The following DOCK3 variants were observed in gnomAD, a reference collection of about 807,000 sequenced individuals.
DOCK3 encodes dedicator of cytokinesis 3.
A neutral mutation model predicts 265.6 loss-of-function variants in DOCK3; 60 were observed. The ratio of observed to expected loss-of-function variants is 0.23; its 90% CI spans 0.18 to 0.28. The LOEUF (loss-of-function observed/expected upper bound fraction) is 0.28. DOCK3 is among the 10% of genes least tolerant of loss of function. The pLI, the probability that DOCK3 is intolerant of heterozygous loss-of-function variation, is 1.00. For missense variants in DOCK3, 1,981 were observed against 2,594.3 expected, an observed-to-expected ratio of 0.76 and a Z score of 5.14; for synonymous variants, 881 against 938.0, an observed-to-expected ratio of 0.94 and a Z score of 1.11.
intron 12 of DOCK3, among the ~76,000 whole-genome samples, chr3:51,178,249 C>T (rs1257718715): frequency 1.3e-5 from 2 of 152,084 alleles, no homozygotes; most frequent in African/African-American, 4.8e-5. Context: ...AGAGAACATA[C>T]ACCTATTGTA....
At chr3:51,325,330 A>G (rs528861796) in intron 32 of DOCK3, among the ~76,000 whole-genome samples, 8 of 152,390 alleles carry the variant, frequency 5.2e-5, no homozygotes, top group African/African-American at 1.7e-4. Flanking sequence ...ATCACTGGTC[A>G]TTAGAGAAAT....
intron 32 of DOCK3, 128 bp downstream of exon 32, chr3:51,315,256 C>G: frequency 8.3e-7 from 1 of 1,210,140 alleles, no homozygotes; most frequent in Non-Finnish European, 1.1e-6. Context: ...GAATCCTGTT[C>G]AAGGGTTTTC....
At chr3:50,774,543 C>G (rs1317432479) in intron 1 of DOCK3, among the ~76,000 whole-genome samples, 1 of 151,666 alleles carries the variant, frequency 6.6e-6, no homozygotes, top group Non-Finnish European at 1.5e-5. Flanking sequence ...AAATATTCAC[C>G]TTGTATCTAG....
intron 3 of DOCK3, among the ~76,000 whole-genome samples, chr3:50,843,953 G>A (rs1249021446): frequency 6.6e-6 from 1 of 151,998 alleles, no homozygotes; most frequent in East Asian, 1.9e-4. Context: ...AAATAAATGC[G>A]TTTCTATATA....
intron 9 of DOCK3, among the ~76,000 whole-genome samples, chr3:51,101,671 G>A (rs1391198127): frequency 6.6e-6 from 1 of 152,132 alleles, no homozygotes; most frequent in Admixed American, 6.5e-5. Context: ...GCTATGAGCT[G>A]GTAACATTTA....
intron 9 of DOCK3, among the ~76,000 whole-genome samples, chr3:51,128,090 T>G (rs1216304233): frequency 6.6e-6 from 1 of 152,218 alleles, no homozygotes; most frequent in East Asian, 1.9e-4. Flanking sequence ...AACTTCAGTT[T>G]AATGGAATCA....
chr3:50,805,416 G>T (rs1283285766), intron 2 of DOCK3, among the ~76,000 whole-genome samples: 1 of 152,150 alleles, frequency 6.6e-6, no homozygotes, highest in African/African-American at 2.4e-5. Context: ...GTCAGCTGGG[G>T]TTGGGGCCAT....
At chr3:50,907,148 C>A (rs13085759) in intron 4 of DOCK3, among the ~76,000 whole-genome samples, 14,371 of 152,126 alleles carry the variant, frequency 0.094, 850 homozygotes, top group Non-Finnish European at 0.12. Flanking sequence ...TGTTGTTTTA[C>A]ATTTCCTGAG....
chr3:50,846,123 G>T (rs1222979973), intron 3 of DOCK3, among the ~76,000 whole-genome samples: 1 of 152,184 alleles, frequency 6.6e-6, no homozygotes, highest in Non-Finnish European at 1.5e-5. Context: ...CACTGCAAAT[G>T]AGACTGTAAA....
intron 1 of DOCK3, among the ~76,000 whole-genome samples, chr3:50,739,769 G>T (rs2038893564): frequency 6.6e-6 from 1 of 152,026 alleles, no homozygotes. Context: ...CCTGGGGCAG[G>T]CTAATTGAAC....
intron 12 of DOCK3, among the ~76,000 whole-genome samples, chr3:51,201,276 A>G (rs1415639598): frequency 6.6e-6 from 1 of 150,590 alleles, no homozygotes; most frequent in Non-Finnish European, 1.5e-5. Flanking sequence ...TATTCAGGAA[A>G]CCCATCTCAC....
chr3:51,221,727 C>T (rs1170834451), intron 14 of DOCK3, among the ~76,000 whole-genome samples: 4 of 152,216 alleles, frequency 2.6e-5, no homozygotes, highest in Non-Finnish European at 5.9e-5. Context: ...TAAGGCATTA[C>T]TGATGCTGTA....
intron 12 of DOCK3, among the ~76,000 whole-genome samples, chr3:51,162,774 G>T (rs890610071): frequency 2.0e-5 from 3 of 152,166 alleles, no homozygotes; most frequent in Admixed American, 6.5e-5. Context: ...CTTTCTGCAA[G>T]AAACAGGATT....
Position 51,110,530 on chromosome 3 carries a change from A to G in DOCK3, c.746+20146A>G, listed in dbSNP as rs1005024593. Among the ~76,000 whole-genome samples, 6 of 152,344 alleles carry G rather than the reference A, an allele frequency of 3.9e-5. No individual in the cohort carries two copies. The East Asian group carries it at 5.8e-4, about 15-fold the overall frequency. ...TCTCTGGTATGCAAGGTTGATTTCAACATACTCAGATGAATAAATGTGATT... is the reference window on the plus strand; with the variant it reads ...TCTCTGGTATGCAAGGTTGATTTCAGCATACTCAGATGAATAAATGTGATT... On this transcript the variant is annotated intron_variant, in intron 9 of 52. Transcript: ENST00000266037.
chr3:51,323,889 A>C (rs1447126519), intron 32 of DOCK3, among the ~76,000 whole-genome samples: 7 of 152,230 alleles, frequency 4.6e-5, no homozygotes, highest in Admixed American at 4.6e-4. Context: ...AAATCAATGA[A>C]TCCAGGAGCT....
chr3:51,137,331 G>A (rs2084851242), intron 9 of DOCK3, among the ~76,000 whole-genome samples: 1 of 152,184 alleles, frequency 6.6e-6, no homozygotes, highest in Non-Finnish European at 1.5e-5. Context: ...ATGCTAAGCA[G>A]TTGGCATCCA....
chr3:50,756,444 C>G (rs2040168582), intron 1 of DOCK3, among the ~76,000 whole-genome samples: 1 of 152,060 alleles, frequency 6.6e-6, no homozygotes, highest in African/African-American at 2.4e-5. Flanking sequence ...TCTACCTACT[C>G]TAACAGATAT....
At chr3:51,202,158 G>T (rs1362374375) in intron 12 of DOCK3, among the ~76,000 whole-genome samples, 1 of 7,192 alleles carries the variant, frequency 1.4e-4, no homozygotes, top group Admixed American at 1.7e-3. Flanking sequence ...CAGAAGGCAA[G>T]AAATAACTAA....
intron 32 of DOCK3, among the ~76,000 whole-genome samples, chr3:51,325,037 G>A (rs1360882620): frequency 6.6e-6 from 1 of 152,112 alleles, no homozygotes; most frequent in Admixed American, 6.6e-5. Context: ...AACACCAAAA[G>A]CAATAGCAAC....
Sources: allele counts gnomAD v4.1 joint callset (sites outside exome capture counted in the v4.1 genomes callset), GRCh38; gene constraint gnomAD v4.1.1; transcripts MANE v1.5; gene names NCBI Gene and HGNC (gene_info 2026-07-23, HGNC 2026-07-21).